Variants in ERCC6L2 observed in about 807,000 individuals in gnomAD.
ERCC6L2 encodes ERCC excision repair 6 like 2, also known as DNA excision repair protein ERCC-6-like 2.
Under a neutral mutation model 132.0 loss-of-function variants are expected in ERCC6L2, and 77 were observed. The ratio of observed to expected loss-of-function variants is 0.58; its 90% confidence interval spans 0.49 to 0.71. The LOEUF is 0.71. Ranked by LOEUF, ERCC6L2 falls within the 30% of genes least tolerant of loss-of-function variation. The pLI is 0.00. For missense variants in ERCC6L2, 1,542 were observed against 1,837.6 expected, an observed-to-expected ratio of 0.84 and a Z score of 2.94; for synonymous variants, 583 against 632.4, an observed-to-expected ratio of 0.92 and a Z score of 1.17.
intron 11 of ERCC6L2, among the ~76,000 whole-genome samples, chr9:95,932,060 G>A (rs1410221944): frequency 3.4e-5 from 5 of 148,908 alleles, no homozygotes; most frequent in Non-Finnish European, 5.9e-5. Context: ...TTATTATTTT[G>A]TTTGAAATGA....
chr9:95,982,386 C>T (rs1361118130), intron 17 of ERCC6L2, among the ~76,000 whole-genome samples: 1 of 152,060 alleles, frequency 6.6e-6, no homozygotes, highest in Non-Finnish European at 1.5e-5. Flanking sequence ...GGTTTGATTG[C>T]AGTATGTTTA....
At chr9:95,969,375 T>G (rs1832309198) in intron 14 of ERCC6L2, among the ~76,000 whole-genome samples, 1 of 152,154 alleles carries the variant, frequency 6.6e-6, no homozygotes, top group Non-Finnish European at 1.5e-5. Flanking sequence ...GTAATCCAGC[T>G]GAGAGATGAT....
At chr9:95,963,538 C>T (rs1479788057) in intron 13 of ERCC6L2, among the ~76,000 whole-genome samples, 1 of 152,046 alleles carries the variant, frequency 6.6e-6, no homozygotes, top group Non-Finnish European at 1.5e-5. Flanking sequence ...CCTCCACACT[C>T]CTCTCCAAAA....
downstream of ERCC6L2, among the ~76,000 whole-genome samples, chr9:96,023,028 C>T (rs1377081481): frequency 6.6e-6 from 1 of 152,134 alleles, no homozygotes; most frequent in Non-Finnish European, 1.5e-5. Flanking sequence ...TGCCTTTGTC[C>T]GGGGAGGCCG....
intron 11 of ERCC6L2, among the ~76,000 whole-genome samples, chr9:95,935,116 G>A (rs16910376): frequency 0.12 from 18,387 of 152,092 alleles, 1,245 homozygotes; most frequent in African/African-American, 0.16. Context: ...TTGAAGAGCA[G>A]TATAATGCAA....
intron 19 of ERCC6L2, among the ~76,000 whole-genome samples, chr9:96,034,808 G>A (rs898891034): frequency 9.2e-5 from 14 of 151,960 alleles, no homozygotes; most frequent in African/African-American, 3.4e-4. Flanking sequence ...CTGTGGACCC[G>A]AGCCTCTCTG....
chr9:96,007,132 G>A (rs1264022364), intron 18 of ERCC6L2, among the ~76,000 whole-genome samples: 3 of 152,226 alleles, frequency 2.0e-5, no homozygotes, highest in South Asian at 4.1e-4. Context: ...AAAAGCACAA[G>A]AGTCAGTGAA....
At chr9:95,969,268 T>A (rs1418798065) in intron 14 of ERCC6L2, among the ~76,000 whole-genome samples, 3 of 152,176 alleles carry the variant, frequency 2.0e-5, no homozygotes, top group Admixed American at 2.0e-4. Context: ...AACAGAAAGA[T>A]GACATAGTCT....
At position 95,966,490 on chromosome 9, in the gene ERCC6L2, G is replaced by A. The variant is rs1832162484; in HGVS notation, c.1948-72G>A. The A allele has an allele frequency of 4.5e-6, 6 of 1,330,414 alleles. No homozygotes were observed. The South Asian group carries it at 1.4e-4, about 30-fold the overall frequency. 82.4% of individuals were successfully genotyped at this position (1,330,414 alleles called of 1,614,324 possible). On this transcript the variant is annotated intron_variant, in intron 13 of 18. Coordinates refer to ENST00000653738, the MANE Select transcript of ERCC6L2 (RefSeq NM_020207.7). Reference sequence around the variant, plus strand: ...TCCAGCTAAAGCTGTGTATATACAGGGAATGCCAGGAAATTCTGACATATT... The same window carrying A: ...TCCAGCTAAAGCTGTGTATATACAGAGAATGCCAGGAAATTCTGACATATT...
In ERCC6L2 at chr9:95,972,696, A is replaced by T. The variant is rs1244179817; in HGVS notation, c.2945A>T (p.Glu982Val). 7.7e-7 allele frequency: 1 copy of T among 1,301,400 alleles called. No individual in the cohort carries two copies. The highest frequency in any genetic ancestry group is 2.3e-5 in the Admixed American group (1 of 43,534). 80.6% of individuals were successfully genotyped at this position (1,301,400 alleles called of 1,614,324 possible). ...AAAGGCACCAGTGATATCAGTGATG[A>T]ATCTGATGACATTGAAATTTCTTCC... ...KRKGTSDISDESDDIEISSKS... is the reference protein window; with the variant it reads ...KRKGTSDISDVSDDIEISSKS... Residue 982 changes from glutamate to valine, a missense_variant, in exon 16 of 19, where the codon GAA becomes GTA. By Grantham distance (121) the Glu-to-Val change is moderately radical (BLOSUM62 -2). Coordinates refer to ENST00000653738, the MANE Select transcript of ERCC6L2 (RefSeq NM_020207.7).
intron 19 of ERCC6L2, among the ~76,000 whole-genome samples, chr9:96,033,130 A>C (rs1184825498): frequency 1.3e-5 from 2 of 152,256 alleles, no homozygotes; most frequent in East Asian, 3.8e-4. Flanking sequence ...GCCAGTCACC[A>C]GTCAAAAATA....
At chr9:95,901,482 A>G (rs1223606506) in intron 3 of ERCC6L2, among the ~76,000 whole-genome samples, 2 of 151,960 alleles carry the variant, frequency 1.3e-5, no homozygotes, top group Non-Finnish European at 2.9e-5. Context: ...TTACTTGGCC[A>G]TTATTTTTCT....
In ERCC6L2 at chr9:96,015,022, T is replaced by TTTTTG. The variant is rs1554763598; in HGVS notation, c.*1823_*1824insGTTTT. On this transcript the variant is annotated 3_prime_UTR_variant, in exon 19 of 19. Coordinates refer to ENST00000653738, the MANE Select transcript of ERCC6L2 (RefSeq NM_020207.7). ...AGTCTTCATATATGTACAGTTTTTT[T>TTTTTG]TTTTTTTTTTTTTTTTTTGAGATTG... 4.1e-5 allele frequency among the ~76,000 whole-genome samples: 5 copies of TTTTTG among 120,896 alleles called. No individual in the cohort carries two copies. Among genetic ancestry groups the TTTTTG allele is most frequent in the African/African-American group, 1.8e-4 (5 of 27,834 alleles). The allele number at this position is 120,896 out of a possible 152,430, so 79.3% of individuals were successfully genotyped here.
intron 2 of ERCC6L2, among the ~76,000 whole-genome samples, chr9:95,882,221 G>A (rs181031212): frequency 6.6e-4 from 100 of 152,338 alleles, no homozygotes; most frequent in African/African-American, 2.2e-3. Context: ...AGTCTTTGGT[G>A]ATGTAATAAC....
intron 19 of ERCC6L2, among the ~76,000 whole-genome samples, chr9:96,030,628 G>C (rs1242717436): frequency 6.6e-6 from 1 of 151,608 alleles, no homozygotes; most frequent in Non-Finnish European, 1.5e-5. Flanking sequence ...TGTGAGCCCG[G>C]GAGGCGGAGC....
chr9:96,010,163 G>A (rs1259391910), intron 18 of ERCC6L2, among the ~76,000 whole-genome samples: 2 of 152,202 alleles, frequency 1.3e-5, no homozygotes, highest in Admixed American at 6.5e-5. Flanking sequence ...CAGAAAGTTG[G>A]AGTCATGTGT....
chr9:95,912,652 T>C (rs1829395901), intron 4 of ERCC6L2, among the ~76,000 whole-genome samples: 1 of 152,218 alleles, frequency 6.6e-6, no homozygotes, highest in African/African-American at 2.4e-5. Flanking sequence ...AAAACATCTT[T>C]AATATCTTAT....
chr9:95,907,852 CA>C (rs1829139107), intron 4 of ERCC6L2, among the ~76,000 whole-genome samples: 1 of 149,906 alleles, frequency 6.7e-6, no homozygotes, highest in Admixed American at 6.7e-5. Flanking sequence ...CACACACACA[CA>C]CACCCCCACA....
intron 19 of ERCC6L2, among the ~76,000 whole-genome samples, chr9:96,038,126 CT>C (rs1834540650): frequency 6.6e-6 from 1 of 151,754 alleles, no homozygotes; most frequent in Non-Finnish European, 1.5e-5. Flanking sequence ...GTGTGAAGTT[CT>C]TGTGTGGAGG....
Sources: gnomAD v4.1 joint callset for allele counts (sites outside exome capture counted in the v4.1 genomes callset) on GRCh38, gnomAD v4.1.1 for gene constraint, MANE v1.5 for transcripts, NCBI Gene and HGNC (gene_info 2026-07-23, HGNC 2026-07-21) for gene names.